PTGFR: variants seen among roughly 807,000 people sequenced by gnomAD.
PTGFR encodes the protein prostaglandin F2-alpha receptor.
In PTGFR, 15 loss-of-function variants were observed where a neutral mutation model predicts 26.2. That is an observed-to-expected ratio of 0.57 (90% CI 0.38 to 0.88). PTGFR has a LOEUF of 0.88. PTGFR is among the 40% of genes least tolerant of loss of function. The probability of loss-of-function intolerance (pLI) is 0.00; values close to 1 mark genes in which losing one functional copy is unlikely to be tolerated. For synonymous variants in PTGFR, 165 were observed against 151.1 expected (o/e 1.09, Z -0.68); for missense variants, 369 against 427.2 (o/e 0.86, Z 1.20).
intron 2 of PTGFR, among the ~76,000 whole-genome samples, chr1:78,517,744 A>G (rs1351402967): frequency 6.6e-6 from 1 of 152,170 alleles, no homozygotes; most frequent in Non-Finnish European, 1.5e-5. Flanking sequence ...GTTTCAATTA[A>G]AATTGTTTTG....
In PTGFR at chr1:78,540,228, A is replaced by C. The variant is rs1424037856; in HGVS notation, c.*3541A>C. On this transcript the variant is annotated 3_prime_UTR_variant, in exon 3 of 3. Transcript: ENST00000370757. The stretch of plus-strand genomic sequence containing the variant: ...GCTGTTAGAATATCCATCTGGAGGC[A>C]ACACACATTTGCATACACTTCTCCA... Among the ~76,000 whole-genome samples, 1 of 152,098 alleles carries C rather than the reference A, an allele frequency of 6.6e-6. No individual in the cohort carries two copies. The highest frequency in any genetic ancestry group is 1.5e-5 in the Non-Finnish European group (1 of 68,008).
In PTGFR at chr1:78,539,239, T is replaced by C. The variant is rs1650734804; in HGVS notation, c.*2552T>C. On this transcript the variant is annotated 3_prime_UTR_variant, in exon 3 of 3. Coordinates refer to ENST00000370757, the MANE Select transcript of PTGFR (RefSeq NM_000959.4). ...AAATACCTGAAAGTTAATACATACA[T>C]ATGTAGATATATTTTGTTATGTGAT... 6.6e-6 allele frequency: 1 copy of C among 151,896 alleles called. No homozygotes were observed. Among genetic ancestry groups the C allele is most frequent in the South Asian group, 2.1e-4 (1 of 4,818 alleles). 9.4% of individuals were successfully genotyped at this position (151,896 alleles called of 1,614,324 possible). A position where few individuals can be genotyped will look rare whatever the true frequency, so the allele number is the denominator to read the frequency against.
intron 2 of PTGFR, among the ~76,000 whole-genome samples, chr1:78,526,535 C>T (rs879576394): frequency 2.3e-4 from 35 of 152,148 alleles, no homozygotes; most frequent in Middle Eastern, 3.4e-3. Flanking sequence ...TGAACCTGGA[C>T]GGCAGGATGA....
chr1:78,530,703 A>T (rs1242507559), intron 2 of PTGFR, among the ~76,000 whole-genome samples: 1 of 152,206 alleles, frequency 6.6e-6, no homozygotes, highest in Non-Finnish European at 1.5e-5. Context: ...GTAACATATT[A>T]AAACAGTGCC....
intron 2 of PTGFR, among the ~76,000 whole-genome samples, chr1:78,524,210 C>T (rs994440982): frequency 6.6e-6 from 1 of 152,038 alleles, no homozygotes; most frequent in Non-Finnish European, 1.5e-5. Flanking sequence ...CTTTAAACCC[C>T]CATCCCTTCC....
In PTGFR at chr1:78,540,166, G is replaced by C. The variant is rs1371334603; in HGVS notation, c.*3479G>C. Among the ~76,000 whole-genome samples the C allele has an allele frequency of 3.9e-5, 6 of 152,058 alleles. No homozygotes were observed. The highest frequency in any genetic ancestry group is 7.4e-5 in the Non-Finnish European group (5 of 67,998). On this transcript the variant is annotated 3_prime_UTR_variant, in exon 3 of 3. Coordinates refer to ENST00000370757, the MANE Select transcript of PTGFR (RefSeq NM_000959.4). ...AAAACAGCCACCATTATATGTGGCT[G>C]TTTCTCAAACTACAGAGCATGGTGA...
At chr1:78,531,276 C>T (rs1650500260) in intron 2 of PTGFR, among the ~76,000 whole-genome samples, 1 of 152,182 alleles carries the variant, frequency 6.6e-6, no homozygotes, top group African/African-American at 2.4e-5. Context: ...CTTCTTTAAA[C>T]AAGAGCAAGT....
At position 78,493,420 on chromosome 1, in the gene PTGFR, C is replaced by A. The variant is rs1649466504; in HGVS notation, c.677C>A (p.Thr226Lys). 1 of 1,613,234 alleles carries A rather than the reference C, an allele frequency of 6.2e-7. No homozygotes were observed. The highest frequency in any genetic ancestry group is 1.3e-5 in the African/African-American group (1 of 74,896). Residue 226 changes from threonine to lysine, a missense_variant, in exon 2 of 3, where the codon ACA becomes AAA. Thr to Lys is a moderately conservative substitution (Grantham distance 78). Coordinates refer to ENST00000370757, the MANE Select transcript of PTGFR (RefSeq NM_000959.4). ...TTGTGCAATGCAATCACAGGAATTA[C>A]ACTTTTAAGAGTTAAATTTAAAAGT... is the stretch of plus-strand genomic sequence containing the variant. Reference protein sequence around the residue: ...SLLCNAITGITLLRVKFKSQQ... With the variant: ...SLLCNAITGIKLLRVKFKSQQ...
chr1:78,529,464 T>A (rs1158708080), intron 2 of PTGFR, among the ~76,000 whole-genome samples: 1 of 152,180 alleles, frequency 6.6e-6, no homozygotes, highest in Non-Finnish European at 1.5e-5. Flanking sequence ...AACTATGTGT[T>A]TGATGTAGGT....
intron 2 of PTGFR, among the ~76,000 whole-genome samples, chr1:78,500,858 A>G (rs1475666524): frequency 8.5e-5 from 13 of 152,246 alleles, no homozygotes; most frequent in African/African-American, 3.1e-4. Context: ...ATAAAAGTGT[A>G]TGGTGTAAAA....
At chr1:78,497,604 T>C (rs1649585705) in intron 2 of PTGFR, among the ~76,000 whole-genome samples, 1 of 152,160 alleles carries the variant, frequency 6.6e-6, no homozygotes, top group Admixed American at 6.5e-5. Context: ...AGGAATTAAT[T>C]ATTAGTGCTA....
At chr1:78,511,237 C>T (rs1449332542) in intron 2 of PTGFR, among the ~76,000 whole-genome samples, 3 of 152,224 alleles carry the variant, frequency 2.0e-5, no homozygotes, top group African/African-American at 7.2e-5. Context: ...TTTTCCTCTG[C>T]ACTACCCTAG....
rs762801817 is a variant in PTGFR, at chr1:78,493,155, A to T, written c.412A>T (p.Thr138Ser). The T allele has an allele frequency of 6.2e-7, 1 of 1,614,210 alleles. No individual in the cohort carries two copies. The highest frequency in any genetic ancestry group is 8.5e-7 in the Non-Finnish European group (1 of 1,180,034). ...VMAIERCIGVTKPIFHSTKIT... is the reference protein window; with the variant it reads ...VMAIERCIGVSKPIFHSTKIT... ...GGCCATTGAGCGGTGTATTGGAGTC[A>T]CAAAACCAATATTTCATTCTACGAA... The change falls in exon 2 of 3, where the codon ACA (threonine) becomes TCA (serine). Residue 138 changes from threonine (T) to serine (S), a missense_variant. Transcript: ENST00000370757.
At chr1:78,505,216 A>G (rs531315446) in intron 2 of PTGFR, among the ~76,000 whole-genome samples, 44 of 143,526 alleles carry the variant, frequency 3.1e-4, no homozygotes, top group African/African-American at 1.1e-3. Context: ...TCCACTTCCC[A>G]GGTTCAAGTG....
intron 2 of PTGFR, among the ~76,000 whole-genome samples, chr1:78,523,526 G>C (rs1650296572): frequency 6.6e-6 from 1 of 152,040 alleles, no homozygotes; most frequent in Admixed American, 6.6e-5. Context: ...TGTGGGAAAG[G>C]AGAATGTGAA....
chr1:78,499,233 T>C (rs1280744378), intron 2 of PTGFR, among the ~76,000 whole-genome samples: 1 of 152,198 alleles, frequency 6.6e-6, no homozygotes, highest in Admixed American at 6.5e-5. Context: ...CTCTCAAATA[T>C]CCCCTCCTCT....
chr1:78,500,714 C>G (rs1649682535), intron 2 of PTGFR, among the ~76,000 whole-genome samples: 1 of 152,192 alleles, frequency 6.6e-6, no homozygotes, highest in African/African-American at 2.4e-5. Context: ...TTCCAGAAGT[C>G]TATTTGTTCA....
intron 2 of PTGFR, among the ~76,000 whole-genome samples, chr1:78,514,989 C>A (rs1650060380): frequency 6.6e-6 from 1 of 152,100 alleles, no homozygotes; most frequent in Non-Finnish European, 1.5e-5. Flanking sequence ...CCTGTACAGC[C>A]TGCAAAACGG....
Position 78,510,391 on chromosome 1 carries a change from G to A in PTGFR, c.798+16850G>A, listed in dbSNP as rs76295023. On this transcript the variant is annotated intron_variant, in intron 2 of 2. Coordinates refer to ENST00000370757, the MANE Select transcript of PTGFR (RefSeq NM_000959.4). ...TTGACTCATGGCAGGAGGTGAAGTG[G>A]GAACAGGCACATCATATGTCAAGAG... is the stretch of plus-strand genomic sequence containing the variant. 1.6e-3 allele frequency among the ~76,000 whole-genome samples: 244 copies of A among 152,230 alleles called. 5 individuals are homozygous for A. The highest frequency in any genetic ancestry group is 0.015 in the East Asian group (78 of 5,176).
Sources: allele counts gnomAD v4.1 joint callset (sites outside exome capture counted in the v4.1 genomes callset), GRCh38; gene constraint gnomAD v4.1.1; transcripts MANE v1.5; gene names NCBI Gene and HGNC (gene_info 2026-07-23, HGNC 2026-07-21).